Variants in USP1 observed in about 807,000 individuals in gnomAD.
USP1 encodes the protein ubiquitin carboxyl-terminal hydrolase 1.
USP1 carries 18 observed loss-of-function variants against 72.2 expected under a neutral mutation model. That is an observed-to-expected ratio of 0.25 (90% confidence interval 0.17 to 0.37). USP1 has a LOEUF of 0.37. Ranked by LOEUF, USP1 falls within the 10% of genes least tolerant of loss-of-function variation. The pLI is 1.00. For synonymous variants in USP1, 354 were observed against 303.7 expected, an observed-to-expected ratio of 1.17 and a Z score of -1.72; for missense variants, 759 against 884.9, an observed-to-expected ratio of 0.86 and a Z score of 1.81.
rs1645213916 is a variant in USP1 at position 62,451,107 on chromosome 1, T to C, written c.*126T>C. On this transcript the variant is annotated 3_prime_UTR_variant, in exon 9 of 9. Coordinates refer to ENST00000339950, the MANE Select transcript of USP1 (RefSeq NM_003368.5). ...GGATATTATTGGTCTCTCTAGGTTT[T>C]TATATAAATAGTGAAATTTGAATTA... 2.1e-6 allele frequency: 2 copies of C among 974,796 alleles called. No homozygotes were observed. Among genetic ancestry groups the C allele is most frequent in the South Asian group, 4.9e-5 (2 of 41,040 alleles). 60.4% of individuals were successfully genotyped at this position (974,796 alleles called of 1,614,324 possible). A position where few individuals can be genotyped will look rare whatever the true frequency, so the allele number is the denominator to read the frequency against.
At chr1:62,445,860 TC>T (rs1645168856) in intron 6 of USP1, among the ~76,000 whole-genome samples, 1 of 152,060 alleles carries the variant, frequency 6.6e-6, no homozygotes, top group Non-Finnish European at 1.5e-5. Context: ...ACGCCTGTAG[TC>T]CCAGCTACTT....
chr1:62,447,917 G>T (rs1348719240), intron 7 of USP1, among the ~76,000 whole-genome samples: 1 of 152,098 alleles, frequency 6.6e-6, no homozygotes, highest in East Asian at 1.9e-4. Context: ...CTCCTGAGTA[G>T]CTGGGACTGC....
chr1:62,451,053 G>T lies in USP1; in HGVS notation c.*72G>T, dbSNP rs1645213147. 11 of 1,397,500 alleles carry T rather than the reference G, an allele frequency of 7.9e-6. No individual in the cohort carries two copies. The South Asian group carries it at 1.0e-4, about 13-fold the overall frequency. The allele number at this position is 1,397,500 out of a possible 1,614,324, so 86.6% of individuals were successfully genotyped here. ...CATTGGTAAAGTTGATTACATCAAA[G>T]AATCTTTAGCTTATCTTTTGAAGCT... On this transcript the variant is annotated 3_prime_UTR_variant, in exon 9 of 9. Coordinates refer to ENST00000339950, the MANE Select transcript of USP1 (RefSeq NM_003368.5).
intron 8 of USP1, among the ~76,000 whole-genome samples, chr1:62,449,156 T>G (rs1166575119): frequency 2.0e-5 from 3 of 152,322 alleles, no homozygotes; most frequent in South Asian, 2.1e-4. Flanking sequence ...AGTGCTGGGA[T>G]TACAGGCGTG....
At chr1:62,441,414 A>G in intron 2 of USP1, 74 bp from the exon 3 acceptor site, 1 of 1,429,850 alleles carries the variant, frequency 7.0e-7, no homozygotes, top group Non-Finnish European at 9.2e-7. Context: ...GAAAAGACTA[A>G]ATCTACAGAA....
intron 1 of USP1, 146 bp from the exon 2 acceptor site, chr1:62,439,653 A>G (rs1645118552): frequency 4.8e-6 from 2 of 415,230 alleles, no homozygotes; most frequent in East Asian, 3.6e-5. Context: ...AGCAATAAAT[A>G]TTGAGTGCTT....
At chr1:62,444,158 CTG>C (rs1645152866) in intron 5 of USP1, among the ~76,000 whole-genome samples, 1 of 150,068 alleles carries the variant, frequency 6.7e-6, no homozygotes, top group South Asian at 2.1e-4. Flanking sequence ...ACTCGGGAGA[CTG>C]AGGCAGGAGA....
intron 1 of USP1, among the ~76,000 whole-genome samples, chr1:62,438,469 A>G (rs1294620828): frequency 6.6e-6 from 1 of 152,196 alleles, no homozygotes; most frequent in African/African-American, 2.4e-5. Flanking sequence ...CAGTGTGCTG[A>G]GTTCAGTATG....
At position 62,441,413 on chromosome 1, in the gene USP1, A is replaced by G. The variant is rs1645133230; in HGVS notation, c.171-75A>G. ...ATTATACAACTTTTGGGAAAAGACT[A>G]AATCTACAGAAGTAATATTTTCACC... On this transcript the variant is annotated intron_variant, in intron 2 of 8. Coordinates refer to ENST00000339950, the MANE Select transcript of USP1 (RefSeq NM_003368.5). 2.1e-6 allele frequency: 3 copies of G among 1,424,310 alleles called. No individual in the cohort carries two copies. The South Asian group carries it at 4.8e-5, about 23-fold the overall frequency. The allele number at this position is 1,424,310 out of a possible 1,614,324, so 88.2% of individuals were successfully genotyped here. A position where few individuals can be genotyped will look rare whatever the true frequency, so the allele number is the denominator to read the frequency against.
Position 62,447,375 on chromosome 1 carries a change from A to G in USP1, c.1284A>G (p.Lys428=). 6.2e-7 allele frequency: 1 copy of G among 1,613,454 alleles called. No homozygotes were observed. The highest frequency in any genetic ancestry group is 8.5e-7 in the Non-Finnish European group (1 of 1,179,854). The change falls in exon 7 of 9, where the codon AAA becomes AAG. Residue 428 remains lysine (K), a synonymous_variant. Coordinates refer to ENST00000339950, the MANE Select transcript of USP1 (RefSeq NM_003368.5). ...EEQIGFELVE[K]LFQGQLVLRT... ...AAATTGGTTTTGAGCTAGTGGAGAA[A>G]TTATTTCAAGGTCAGCTGGTATTAA...
intron 7 of USP1, 117 bp from the exon 8 acceptor site, chr1:62,448,348 T>G (rs1331500873): frequency 3.2e-6 from 3 of 944,754 alleles, no homozygotes; most frequent in Non-Finnish European, 4.7e-6. Flanking sequence ...ATCTCTTTAG[T>G]TATTTAGGAA....
chr1:62,448,347 GT>G (rs1376024784), intron 7 of USP1, 117 bp from the exon 8 acceptor site: 1 of 944,312 alleles, frequency 1.1e-6, no homozygotes, highest in Non-Finnish European at 1.6e-6. Flanking sequence ...AATCTCTTTA[GT>G]TATTTAGGAA....
Position 62,451,024 on chromosome 1 carries a change from C to G in USP1, c.*43C>G, listed in dbSNP as rs1286203483. 3 of 1,491,074 alleles carry G rather than the reference C, an allele frequency of 2.0e-6. No homozygotes were observed. The highest frequency in any genetic ancestry group is 1.4e-5 in the African/African-American group (1 of 71,382). 92.4% of individuals were successfully genotyped at this position (1,491,074 alleles called of 1,614,324 possible). On this transcript the variant is annotated 3_prime_UTR_variant, in exon 9 of 9. Coordinates refer to ENST00000339950, the MANE Select transcript of USP1 (RefSeq NM_003368.5). ...TGTGTATATATTAAACACACCCATA[C>G]AAACATTGGTAAAGTTGATTACATC...
chr1:62,441,400 T>C (rs1197362860), intron 2 of USP1, 88 bp from the exon 3 acceptor site: 10 of 1,386,414 alleles, frequency 7.2e-6, no homozygotes, highest in South Asian at 1.7e-5. Flanking sequence ...TATACAACTT[T>C]TGGGAAAAGA....
intron 8 of USP1, 76 bp downstream of exon 8, chr1:62,448,742 T>G: frequency 6.4e-6 from 9 of 1,412,396 alleles, no homozygotes; most frequent in Non-Finnish European, 8.9e-6. Flanking sequence ...AATGCTGTAA[T>G]AGTAGGAATA....
Position 62,437,337 on chromosome 1 carries a change from C to G in USP1, c.-133C>G. On this transcript the variant is annotated 5_prime_UTR_variant, in exon 1 of 9. Coordinates refer to ENST00000339950, the MANE Select transcript of USP1 (RefSeq NM_003368.5). Reference sequence around the variant, plus strand: ...GGGGCAGGGACTCACCTGTCGCACCCACACTCATTCGGGTTGGACTTGCCG... The same window carrying G: ...GGGGCAGGGACTCACCTGTCGCACCGACACTCATTCGGGTTGGACTTGCCG... 3 of 395,976 alleles carry G rather than the reference C, an allele frequency of 7.6e-6. No individual in the cohort carries two copies. The highest frequency in any genetic ancestry group is 1.3e-5 in the Non-Finnish European group (3 of 224,866). The allele number at this position is 395,976 out of a possible 1,614,324, so 24.5% of individuals were successfully genotyped here. A position where few individuals can be genotyped will look rare whatever the true frequency, so the allele number is the denominator to read the frequency against.
chr1:62,448,654 C>T lies in USP1; in HGVS notation c.1610C>T (p.Ala537Val). The change falls in exon 8 of 9, where the codon GCT becomes GTT. Residue 537 changes from alanine to valine, a missense_variant. Physicochemically the swap from Ala to Val is moderately conservative, Grantham distance 64. Around this residue, in one of 9 missense-constraint regions of USP1, gnomAD observed 140 missense variants for 222.8 expected, o/e 0.63. Transcript: ENST00000339950. ...ACTATTCATTTGAAGTGCTTTGCTG[C>T]TAGTGGTTTGGAGTAAGTATTGTAA... ...VITIHLKCFAASGLEFDCYGG... is the reference protein window; with the variant it reads ...VITIHLKCFAVSGLEFDCYGG... The T allele has an allele frequency of 6.2e-7, 1 of 1,612,634 alleles. No individual in the cohort carries two copies. The highest frequency in any genetic ancestry group is 1.1e-5 in the South Asian group (1 of 91,020).
intron 1 of USP1, among the ~76,000 whole-genome samples, chr1:62,438,722 C>T (rs1286620870): frequency 2.0e-5 from 3 of 151,612 alleles, no homozygotes; most frequent in African/African-American, 7.3e-5. Context: ...TTTTTTTTCA[C>T]GTGCAAGTTT....
At chr1:62,443,418 A>G (rs1645147007) in intron 5 of USP1, 99 bp downstream of exon 5, 1 of 1,251,034 alleles carries the variant, frequency 8.0e-7, no homozygotes. Context: ...AGGGCAAGGA[A>G]AGTAGAAACT....
Sources: allele counts gnomAD v4.1 joint callset (sites outside exome capture counted in the v4.1 genomes callset), GRCh38; gene constraint gnomAD v4.1.1; regional missense constraint gnomAD v4.1.1; transcripts MANE v1.5; gene names NCBI Gene and HGNC (gene_info 2026-07-23, HGNC 2026-07-21).